CARM1: variants seen among roughly 807,000 people sequenced by gnomAD.
CARM1 encodes coactivator associated arginine methyltransferase 1.
Under a neutral mutation model 72.7 loss-of-function variants are expected in CARM1, and 14 were observed. The observed-to-expected ratio is 0.19, with a 90% CI of 0.13 to 0.30. The LOEUF (loss-of-function observed/expected upper bound fraction) is 0.30. CARM1 is among the 10% of genes least tolerant of loss of function. The probability of loss-of-function intolerance (pLI) is 1.00; values close to 1 mark genes in which losing one functional copy is unlikely to be tolerated. For synonymous variants in CARM1, 333 were observed against 345.5 expected (o/e 0.96, Z 0.40); for missense variants, 432 against 833.7 (o/e 0.52, Z 5.93).
chr19:10,919,381 A>C (rs2074222422), intron 8 of CARM1: 2 of 544,280 alleles, frequency 3.7e-6, no homozygotes, highest in Admixed American at 7.1e-5. Context: ...CAAATCTTTT[A>C]TGTGGATAAA....
chr19:10,874,454 C>T (rs2073847601), intron 1 of CARM1, among the ~76,000 whole-genome samples: 1 of 151,232 alleles, frequency 6.6e-6, no homozygotes, highest in South Asian at 2.1e-4. Context: ...TGCAGTGGTA[C>T]AGTCTCAGTC....
At chr19:10,894,405 C>T (rs1282936888) in intron 1 of CARM1, among the ~76,000 whole-genome samples, 2 of 151,436 alleles carry the variant, frequency 1.3e-5, no homozygotes, top group South Asian at 2.1e-4. Flanking sequence ...GAGTTGGCCA[C>T]GGGGGGTCGG....
In CARM1 at chr19:10,919,590, C is replaced by T. The variant is rs184433555; in HGVS notation, c.1021-5C>T. ...ATGCCACGTCACACCTGTGGTCTCT[C>T]CCAGGACACATTTGACATCCGGATC... On this transcript the variant is annotated splice_region_variant and splice_polypyrimidine_tract_variant and intron_variant, in intron 8 of 15. Transcript: ENST00000327064. 285 of 1,610,990 alleles carry T rather than the reference C, an allele frequency of 1.8e-4. 1 individual carries two copies. The Admixed American group carries it at 3.7e-3, about 21-fold the overall frequency.
At chr19:10,872,281 C>T (rs1487494189) in intron 1 of CARM1, among the ~76,000 whole-genome samples, 1 of 24,658 alleles carries the variant, frequency 4.1e-5, no homozygotes, top group African/African-American at 1.7e-4. Flanking sequence ...GAGGGAGGTC[C>T]GGGGTGCGGG....
intron 1 of CARM1, among the ~76,000 whole-genome samples, chr19:10,887,187 C>T (rs961171141): frequency 6.6e-6 from 1 of 152,268 alleles, no homozygotes; most frequent in Non-Finnish European, 1.5e-5. Context: ...CTCTCTGACT[C>T]CTCCACAGGG....
Position 10,920,456 on chromosome 19 carries a change from C to G in CARM1, c.1217C>G (p.Thr406Arg). Reference protein sequence around the residue: ...IGSIMTVWLSTAPTEPLTHWY... With the variant: ...IGSIMTVWLSRAPTEPLTHWY... ...CACAGAATGACCGTGTGGCTGTCCA[C>G]AGCCCCGACAGAGCCCCTGACCCAC... is the stretch of plus-strand genomic sequence containing the variant. The change falls in exon 11 of 16, where the codon ACA (threonine) becomes AGA (arginine). Residue 406 changes from threonine (T) to arginine (R), a missense_variant. Physicochemically the swap from Thr to Arg is moderately conservative, Grantham distance 71. Coordinates refer to ENST00000327064, the MANE Select transcript of CARM1 (RefSeq NM_199141.2). This position sits in a 1 kb window ranked among gnomAD's most constrained non-coding sequence, Gnocchi z 5.3. The G allele has an allele frequency of 6.2e-7, 1 of 1,612,864 alleles. No individual in the cohort carries two copies. The highest frequency in any genetic ancestry group is 8.5e-7 in the Non-Finnish European group (1 of 1,179,066).
chr19:10,911,051 C>T (rs1387113940), intron 4 of CARM1, among the ~76,000 whole-genome samples: 2 of 151,940 alleles, frequency 1.3e-5, no homozygotes, highest in Non-Finnish European at 2.9e-5. Context: ...CCACCATGCC[C>T]GGCTAATTTT....
chr19:10,872,407 T>A (rs1167269692), intron 1 of CARM1, among the ~76,000 whole-genome samples: 1 of 151,786 alleles, frequency 6.6e-6, no homozygotes, highest in African/African-American at 2.4e-5. Context: ...TTGGAAAGTG[T>A]TTGCTGGTCT....
chr19:10,913,133 C>T (rs2074166956), intron 5 of CARM1, among the ~76,000 whole-genome samples: 1 of 151,672 alleles, frequency 6.6e-6, no homozygotes, highest in African/African-American at 2.4e-5. Context: ...TGGGGGGGGT[C>T]TCACTCTGTT....
intron 1 of CARM1, among the ~76,000 whole-genome samples, chr19:10,892,599 T>C (rs1266995339): frequency 1.3e-5 from 2 of 152,238 alleles, no homozygotes; most frequent in Non-Finnish European, 2.9e-5. Flanking sequence ...GAGGCTGGCA[T>C]TGATCTGTTG....
At chr19:10,908,416 G>A (rs1039989605) in intron 3 of CARM1, 10 of 412,574 alleles carry the variant, frequency 2.4e-5, no homozygotes, top group South Asian at 1.6e-4. Flanking sequence ...TGTGAATAAC[G>A]GTAGAGCAGT....
At position 10,921,890 on chromosome 19, in the gene CARM1, G is replaced by A. The variant is rs1350083838; in HGVS notation, c.*133G>A. The A allele has an allele frequency of 3.3e-6, 3 of 917,066 alleles. No individual in the cohort carries two copies. Among genetic ancestry groups the A allele is most frequent in the Non-Finnish European group, 4.9e-6 (3 of 612,914 alleles). The allele number at this position is 917,066 out of a possible 1,614,324, so 56.8% of individuals were successfully genotyped here. ...CACAGCTCTCTTTGCTATGGGAACT[G>A]GGACACTTTTTTACACGATGTTGCC... is the stretch of plus-strand genomic sequence containing the variant. On this transcript the variant is annotated 3_prime_UTR_variant, in exon 16 of 16. Coordinates refer to ENST00000327064, the MANE Select transcript of CARM1 (RefSeq NM_199141.2).
In CARM1 at chr19:10,871,773, G is replaced by A; in HGVS notation, c.71G>A (p.Gly24Glu). The A allele has an allele frequency of 8.7e-7, 1 of 1,154,310 alleles. No individual in the cohort carries two copies. The highest frequency in any genetic ancestry group is 1.1e-6 in the Non-Finnish European group (1 of 937,320). The allele number at this position is 1,154,310 out of a possible 1,614,324, so 71.5% of individuals were successfully genotyped here. Reference sequence around the variant, plus strand: ...GGGTCGGCGGTCCCGGGCGGCGCGGGGCCCTGCGCTACCGTGTCGGTGTTC... The same window carrying A: ...GGGTCGGCGGTCCCGGGCGGCGCGGAGCCCTGCGCTACCGTGTCGGTGTTC... ...GAGSAVPGGAGPCATVSVFPG... is the reference protein window; with the variant it reads ...GAGSAVPGGAEPCATVSVFPG... Residue 24 changes from glycine (G) to glutamate (E), a missense_variant, in exon 1 of 16, where the codon GGG becomes GAG. Around this residue, in one of 3 missense-constraint regions of CARM1, gnomAD observed 138 missense variants for 192.3 expected, o/e 0.72. Coordinates refer to ENST00000327064, the MANE Select transcript of CARM1 (RefSeq NM_199141.2). The surrounding 1 kb of genome is among the most constrained non-coding windows in gnomAD (Gnocchi z 5.6).
intron 1 of CARM1, among the ~76,000 whole-genome samples, chr19:10,899,576 C>CCT (rs548024302): frequency 4.3e-4 from 66 of 152,218 alleles, no homozygotes; most frequent in Middle Eastern, 6.8e-3. Flanking sequence ...CATGCCCTGC[C>CCT]CTCAGGAGGG....
rs775036159 is a variant in CARM1 at position 10,912,311 on chromosome 19, T to G, written c.669+17T>G. Reference sequence around the variant, plus strand: ...CACGCTGAGGTCAGTGGCCCGCTGGTGCCCACCCAGCCTCGTCCTCGCCCA... The same window carrying G: ...CACGCTGAGGTCAGTGGCCCGCTGGGGCCCACCCAGCCTCGTCCTCGCCCA... On this transcript the variant is annotated intron_variant, in intron 5 of 15. Transcript: ENST00000327064. This position sits in a 1 kb window ranked among gnomAD's most constrained non-coding sequence, Gnocchi z 4.5. 2.3e-5 allele frequency: 37 copies of G among 1,583,428 alleles called. No homozygotes were observed. The highest frequency in any genetic ancestry group is 3.2e-5 in the Non-Finnish European group (37 of 1,152,688).
At position 10,887,456 on chromosome 19, in the gene CARM1, C is replaced by G. The variant is rs553829118; in HGVS notation, c.220+15534C>G. Among the ~76,000 whole-genome samples the G allele has an allele frequency of 5.9e-5, 9 of 152,334 alleles. No individual in the cohort carries two copies. In the South Asian group the frequency reaches 6.2e-4, roughly 11 times the overall value. On this transcript the variant is annotated intron_variant, in intron 1 of 15. Transcript: ENST00000327064. ...GGGGCGGAAGGCGGCCTTCCTAACC[C>G]AAACATACTGTTCTCTGAGCCTTGG...
At chr19:10,914,282 G>A (rs1336214844) in intron 6 of CARM1, among the ~76,000 whole-genome samples, 1 of 152,206 alleles carries the variant, frequency 6.6e-6, no homozygotes, top group African/African-American at 2.4e-5. Context: ...GCCCAGACAG[G>A]GTACACAGGA....
chr19:10,881,616 G>T (rs1208630410), intron 1 of CARM1, among the ~76,000 whole-genome samples: 1 of 152,100 alleles, frequency 6.6e-6, no homozygotes. Context: ...TGGAGGGCTG[G>T]GGTGGGGGAG....
intron 1 of CARM1, among the ~76,000 whole-genome samples, chr19:10,880,358 T>C (rs989580169): frequency 1.3e-5 from 2 of 151,972 alleles, no homozygotes; most frequent in African/African-American, 4.8e-5. Context: ...TTTTTCTTCT[T>C]TTTTTGAGAC....
Sources: gnomAD v4.1 joint callset for allele counts (sites outside exome capture counted in the v4.1 genomes callset) on GRCh38, gnomAD v4.1.1 for gene constraint, gnomAD v4.1.1 regional missense constraint, Gnocchi (gnomAD v3.1) non-coding constraint, MANE v1.5 for transcripts, NCBI Gene and HGNC (gene_info 2026-07-23, HGNC 2026-07-21) for gene names.